The following NRG3 variants were observed in gnomAD, a reference collection of about 807,000 sequenced individuals.
NRG3 encodes the protein neuregulin 3.
NRG3 carries 31 observed loss-of-function variants against 66.9 expected under a neutral mutation model. The ratio of observed to expected loss-of-function variants is 0.46; its 90% confidence interval spans 0.35 to 0.63. The LOEUF (loss-of-function observed/expected upper bound fraction) is 0.63. NRG3 is among the 20% of genes least tolerant of loss of function. NRG3 has a pLI of 0.00. For synonymous variants in NRG3, 393 were observed against 359.4 expected, an observed-to-expected ratio of 1.09 and a Z score of -1.06; for missense variants, 910 against 878.9, an observed-to-expected ratio of 1.04 and a Z score of -0.45.
At chr10:82,288,063 T>C (rs934462800) in intron 1 of NRG3, among the ~76,000 whole-genome samples, 10 of 152,202 alleles carry the variant, frequency 6.6e-5, no homozygotes, top group Non-Finnish European at 1.3e-4. Context: ...GGAGCCCCGA[T>C]GGGGTCCCAT....
intron 3 of NRG3, among the ~76,000 whole-genome samples, chr10:82,857,319 T>C (rs1463781091): frequency 6.6e-6 from 1 of 152,092 alleles, no homozygotes; most frequent in Non-Finnish European, 1.5e-5. Flanking sequence ...CAGTGGAGTT[T>C]TGGGGAAGAA....
chr10:81,911,199 C>T (rs912765370), intron 1 of NRG3, among the ~76,000 whole-genome samples: 2 of 152,282 alleles, frequency 1.3e-5, no homozygotes, highest in African/African-American at 4.8e-5. Context: ...GGTATTTCGG[C>T]ATTTGGCCAA....
chr10:82,898,955 C>A (rs1385115303), intron 4 of NRG3, among the ~76,000 whole-genome samples: 1 of 151,942 alleles, frequency 6.6e-6, no homozygotes, highest in Non-Finnish European at 1.5e-5. Context: ...CGTGATCTGC[C>A]TGCCTCGGCC....
At chr10:81,903,974 G>GTA (rs71007284) in intron 1 of NRG3, among the ~76,000 whole-genome samples, 2,037 of 143,406 alleles carry the variant, frequency 0.014, 18 homozygotes, top group Middle Eastern at 0.034. Flanking sequence ...TTCAGAGTGT[G>GTA]TATATATATA....
chr10:82,514,959 T>C (rs977115967), intron 2 of NRG3, among the ~76,000 whole-genome samples: 8 of 152,166 alleles, frequency 5.3e-5, no homozygotes, highest in Admixed American at 5.2e-4. Flanking sequence ...TTCATCTATG[T>C]CTTCCTAAGG....
At chr10:82,093,004 A>G (rs1311196107) in intron 1 of NRG3, among the ~76,000 whole-genome samples, 1 of 152,208 alleles carries the variant, frequency 6.6e-6, no homozygotes, top group Non-Finnish European at 1.5e-5. Flanking sequence ...AGCATTCATG[A>G]AACTGTGGCA....
chr10:82,638,880 C>T lies in NRG3; in HGVS notation c.954-99697C>T, dbSNP rs534024178. Among the ~76,000 whole-genome samples, 41 of 152,182 alleles carry T rather than the reference C, an allele frequency of 2.7e-4. No homozygotes were observed. In the South Asian group the frequency reaches 3.3e-3, roughly 12 times the overall value. Reference sequence around the variant, plus strand: ...CAGGATGGTCTCAATCTCTTGACCTCGGGATCCTCCCGCCTCAGCCTCCCA... The same window carrying T: ...CAGGATGGTCTCAATCTCTTGACCTTGGGATCCTCCCGCCTCAGCCTCCCA... On this transcript the variant is annotated intron_variant, in intron 2 of 8. Coordinates refer to ENST00000372141, the MANE Select transcript of NRG3 (RefSeq NM_001010848.4).
At chr10:82,151,389 C>T (rs2070737766) in intron 1 of NRG3, among the ~76,000 whole-genome samples, 1 of 152,160 alleles carries the variant, frequency 6.6e-6, no homozygotes, top group South Asian at 2.1e-4. Context: ...TCATTGAAAT[C>T]TTATTATGTA....
At chr10:82,335,385 C>T (rs74801724) in intron 1 of NRG3, among the ~76,000 whole-genome samples, 3,697 of 152,098 alleles carry the variant, frequency 0.024, 153 homozygotes, top group African/African-American at 0.083. Context: ...TCCTACTAAA[C>T]GAGGTAATGT....
chr10:82,612,504 G>T (rs1287226912), intron 2 of NRG3, among the ~76,000 whole-genome samples: 2 of 152,146 alleles, frequency 1.3e-5, no homozygotes, highest in African/African-American at 4.8e-5. Context: ...ATATAGGAAT[G>T]CTTTTTGAAT....
chr10:82,523,754 C>A (rs1010649004), intron 2 of NRG3, among the ~76,000 whole-genome samples: 1 of 152,070 alleles, frequency 6.6e-6, no homozygotes, highest in African/African-American at 2.4e-5. Flanking sequence ...ACTCAAAAGT[C>A]TCCATAAGGT....
chr10:82,646,487 C>G (rs1489177964), intron 2 of NRG3, among the ~76,000 whole-genome samples: 1 of 152,174 alleles, frequency 6.6e-6, no homozygotes, highest in Admixed American at 6.5e-5. Context: ...GCAAGTACAT[C>G]ATAGCATGTC....
intron 1 of NRG3, among the ~76,000 whole-genome samples, chr10:82,285,358 T>A (rs1455486158): frequency 6.6e-6 from 1 of 152,184 alleles, no homozygotes; most frequent in African/African-American, 2.4e-5. Context: ...CCTGGATCAA[T>A]CCCACTTCTT....
chr10:82,429,873 C>G (rs547588282), intron 2 of NRG3, among the ~76,000 whole-genome samples: 6 of 152,096 alleles, frequency 3.9e-5, no homozygotes, highest in African/African-American at 7.2e-5. Flanking sequence ...TTTAAGTTCA[C>G]CGGTTCATTA....
In NRG3 at chr10:82,770,372, T is replaced by A. The variant is rs144906126; in HGVS notation, c.1027+31722T>A. On this transcript the variant is annotated intron_variant, in intron 3 of 8. Coordinates refer to ENST00000372141, the MANE Select transcript of NRG3 (RefSeq NM_001010848.4). ...ACTATTCCTGGTGAAGACCCCTCTT[T>A]CCAAAACCCTGTTGTGAACAAAGTC... 8.5e-3 allele frequency among the ~76,000 whole-genome samples: 1,290 copies of A among 152,250 alleles called. 8 individuals are homozygous for A. Among genetic ancestry groups the A allele is most frequent in the Non-Finnish European group, 0.013 (907 of 68,014 alleles).
At chr10:82,333,543 A>G (rs558481499) in intron 1 of NRG3, among the ~76,000 whole-genome samples, 3 of 152,332 alleles carry the variant, frequency 2.0e-5, no homozygotes, top group African/African-American at 7.2e-5. Flanking sequence ...TTTTCTATAG[A>G]CATTTTTCCT....
At chr10:82,019,879 A>G (rs1171970062) in intron 1 of NRG3, among the ~76,000 whole-genome samples, 3 of 152,010 alleles carry the variant, frequency 2.0e-5, no homozygotes, top group Non-Finnish European at 4.4e-5. Context: ...TGATCTTTTC[A>G]AAAAACCAGC....
intron 2 of NRG3, among the ~76,000 whole-genome samples, chr10:82,465,425 G>T (rs1450590342): frequency 6.6e-6 from 1 of 152,162 alleles, no homozygotes; most frequent in Non-Finnish European, 1.5e-5. Flanking sequence ...TTAGCACCAG[G>T]ATCCCTTTGT....
chr10:82,356,083 A>G lies in NRG3; in HGVS notation c.824-2656A>G, dbSNP rs1194831554. ...TCCCACCCCAGACTTTTGCAGAGCCATTGACTTGGGTCTCTGATCCTCTGT... is the reference window on the plus strand; with the variant it reads ...TCCCACCCCAGACTTTTGCAGAGCCGTTGACTTGGGTCTCTGATCCTCTGT... On this transcript the variant is annotated intron_variant, in intron 1 of 8. Transcript: ENST00000372141. 2.6e-5 allele frequency among the ~76,000 whole-genome samples: 4 copies of G among 152,148 alleles called. No individual in the cohort carries two copies. In the East Asian group the frequency reaches 7.7e-4, roughly 29 times the overall value.
Sources: allele counts gnomAD v4.1 joint callset (sites outside exome capture counted in the v4.1 genomes callset), GRCh38; gene constraint gnomAD v4.1.1; transcripts MANE v1.5; gene names NCBI Gene and HGNC (gene_info 2026-07-23, HGNC 2026-07-21).